PGBD5: variants seen among roughly 807,000 people sequenced by gnomAD.
The protein encoded by PGBD5 is piggyBac transposable element derived 5.
In PGBD5, 14 loss-of-function variants were observed where a neutral mutation model predicts 47.9. The observed-to-expected ratio is 0.29, with a 90% CI of 0.19 to 0.46. PGBD5 has a LOEUF of 0.46. Ranked by LOEUF, PGBD5 falls within the 20% of genes least tolerant of loss-of-function variation. The pLI, the probability that PGBD5 is intolerant of heterozygous loss-of-function variation, is 1.00. For synonymous variants in PGBD5, 316 were observed against 306.3 expected, an observed-to-expected ratio of 1.03 and a Z score of -0.33; for missense variants, 635 against 716.0, an observed-to-expected ratio of 0.89 and a Z score of 1.29.
intron 1 of PGBD5, among the ~76,000 whole-genome samples, chr1:230,398,814 C>A (rs1657065522): frequency 6.6e-6 from 1 of 152,140 alleles, no homozygotes; most frequent in African/African-American, 2.4e-5. Flanking sequence ...AGCACCACCT[C>A]CTTAAGGGCC....
intron 1 of PGBD5, among the ~76,000 whole-genome samples, chr1:230,370,260 T>G (rs1166742041): frequency 2.6e-5 from 4 of 152,140 alleles, no homozygotes; most frequent in African/African-American, 4.8e-5. Flanking sequence ...GTTGGCACCA[T>G]CCTCTTCACA....
chr1:230,373,878 C>G (rs1212969953), intron 1 of PGBD5, among the ~76,000 whole-genome samples: 1 of 151,940 alleles, frequency 6.6e-6, no homozygotes, highest in Non-Finnish European at 1.5e-5. Flanking sequence ...TTTAATTTTT[C>G]GTAGAGATGG....
chr1:230,379,991 T>C (rs980211650), intron 1 of PGBD5, among the ~76,000 whole-genome samples: 3 of 152,228 alleles, frequency 2.0e-5, no homozygotes, highest in South Asian at 4.1e-4. Context: ...GCATACTGGA[T>C]TGTAATTACT....
At position 230,425,085 on chromosome 1, in the gene PGBD5, G is replaced by C. The variant is rs1177247710; in HGVS notation, c.331+513C>G. Among the ~76,000 whole-genome samples, 1 of 152,166 alleles carries C rather than the reference G, an allele frequency of 6.6e-6. No homozygotes were observed. ...TTTCTCAGATTAAGGAGAAAACTAA[G>C]CCAAGTCAAGACGCCGCGGGTGGCC... On this transcript the variant is annotated intron_variant, in intron 1 of 6. Coordinates refer to ENST00000391860, the MANE Select transcript of PGBD5 (RefSeq NM_001258311.2). This position sits in a 1 kb window ranked among gnomAD's most constrained non-coding sequence, Gnocchi z 4.7.
intron 1 of PGBD5, among the ~76,000 whole-genome samples, chr1:230,405,794 T>G (rs2102745168): frequency 6.6e-6 from 1 of 152,354 alleles, no homozygotes; most frequent in Admixed American, 6.5e-5. Context: ...GGGTGAATAG[T>G]TGATGCCTAT....
intron 1 of PGBD5, among the ~76,000 whole-genome samples, chr1:230,384,497 C>T (rs1477676314): frequency 6.6e-6 from 1 of 152,188 alleles, no homozygotes; most frequent in Non-Finnish European, 1.5e-5. Flanking sequence ...TCCCTCCTAA[C>T]AGTTTCCTAC....
chr1:230,382,011 GACTT>G, intron 1 of PGBD5, among the ~76,000 whole-genome samples: 1 of 148,068 alleles, frequency 6.8e-6, no homozygotes, highest in African/African-American at 2.7e-5. Flanking sequence ...GATTCTCAAA[GACTT>G]TACATCTTTC....
At chr1:230,392,954 C>T (rs761240070) in intron 1 of PGBD5, among the ~76,000 whole-genome samples, 30 of 148,848 alleles carry the variant, frequency 2.0e-4, no homozygotes, top group Non-Finnish European at 3.1e-4. Context: ...GAGGGAGAGG[C>T]ACAGGAAGGG....
intron 1 of PGBD5, among the ~76,000 whole-genome samples, chr1:230,381,008 G>A (rs1656466088): frequency 6.6e-6 from 1 of 152,268 alleles, no homozygotes; most frequent in Non-Finnish European, 1.5e-5. Flanking sequence ...TCTCCCTAGA[G>A]AGGAGTGACA....
chr1:230,352,787 C>T (rs1667578550), intron 2 of PGBD5, among the ~76,000 whole-genome samples: 1 of 152,204 alleles, frequency 6.6e-6, no homozygotes, highest in Non-Finnish European at 1.5e-5. Flanking sequence ...GTGCAATGAA[C>T]AAGTCCCCCA....
chr1:230,329,126 G>GGGGT (rs1553281244), intron 5 of PGBD5, among the ~76,000 whole-genome samples: 1 of 151,284 alleles, frequency 6.6e-6, no homozygotes, highest in African/African-American at 2.4e-5. Context: ...TTTTTTTGGG[G>GGGGT]GGGGAGGTGG....
In PGBD5 at chr1:230,357,113, G is replaced by A; in HGVS notation, c.540C>T (p.Ser180=). ...FLGYMISTSI[S]HCESVLSIWS... ...AGATGCTGAGGACGGACTCGCAGTG[G>A]GAGATGCTGGTGGAGATCATGTAGC... The change falls in exon 2 of 7, where the codon TCC becomes TCT. Residue 180 remains serine (S), a synonymous_variant. Coordinates refer to ENST00000391860, the MANE Select transcript of PGBD5 (RefSeq NM_001258311.2). This position sits in a 1 kb window ranked among gnomAD's most constrained non-coding sequence, Gnocchi z 5.7. 6.2e-7 allele frequency: 1 copy of A among 1,614,178 alleles called. No individual in the cohort carries two copies. The highest frequency in any genetic ancestry group is 8.5e-7 in the Non-Finnish European group (1 of 1,180,036).
chr1:230,398,369 C>T (rs1657051876), intron 1 of PGBD5, among the ~76,000 whole-genome samples: 1 of 151,152 alleles, frequency 6.6e-6, no homozygotes, highest in Non-Finnish European at 1.5e-5. Context: ...CATGTCTTCG[C>T]ATGGGCTCCC....
chr1:230,396,698 A>G (rs1204101713), intron 1 of PGBD5, among the ~76,000 whole-genome samples: 1 of 151,560 alleles, frequency 6.6e-6, no homozygotes, highest in Non-Finnish European at 1.5e-5. Context: ...CTGGCTTTGG[A>G]GTTACAAAAC....
At chr1:230,395,390 A>C (rs1262078218) in intron 1 of PGBD5, among the ~76,000 whole-genome samples, 1 of 10,096 alleles carries the variant, frequency 9.9e-5, no homozygotes, top group African/African-American at 5.7e-4. Flanking sequence ...GCTCCTCCCC[A>C]TCCCTGAGCT....
In PGBD5 at chr1:230,374,058, G is replaced by A. The variant is rs149022060; in HGVS notation, c.332-16737C>T. Among the ~76,000 whole-genome samples, 584 of 152,156 alleles carry A rather than the reference G, an allele frequency of 3.8e-3. 4 individuals are homozygous for A. Among genetic ancestry groups the A allele is most frequent in the African/African-American group, 0.014 (564 of 41,490 alleles). On this transcript the variant is annotated intron_variant, in intron 1 of 6. Transcript: ENST00000391860. ...ATTGAGAATGAATAGAAAAAAGTCT[G>A]GAATATTCATGATATAGAACTCTCT...
At chr1:230,332,807 G>C in intron 5 of PGBD5, 37 bp downstream of exon 5, 2 of 1,612,038 alleles carry the variant, frequency 1.2e-6, no homozygotes. Context: ...ACCAATCCCC[G>C]CGCGCCCCAC....
At chr1:230,362,112 C>T (rs1323980901) in intron 1 of PGBD5, among the ~76,000 whole-genome samples, 4 of 152,234 alleles carry the variant, frequency 2.6e-5, no homozygotes, top group East Asian at 1.9e-4. Context: ...TGCCCAAGGG[C>T]GCGGGAAGCC....
At chr1:230,358,837 A>G (rs900979010) in intron 1 of PGBD5, among the ~76,000 whole-genome samples, 16 of 152,224 alleles carry the variant, frequency 1.1e-4, no homozygotes, top group African/African-American at 3.9e-4. Flanking sequence ...TGTGCCATAC[A>G]GGTTTGTATA....
Sources: gnomAD v4.1 joint callset for allele counts (sites outside exome capture counted in the v4.1 genomes callset) on GRCh38, gnomAD v4.1.1 for gene constraint, Gnocchi (gnomAD v3.1) non-coding constraint, MANE v1.5 for transcripts, NCBI Gene and HGNC (gene_info 2026-07-23, HGNC 2026-07-21) for gene names.